SRGAP3: variants seen among roughly 807,000 people sequenced by gnomAD.
The protein encoded by SRGAP3 is SLIT-ROBO Rho GTPase activating protein 3, also known as SLIT-ROBO Rho GTPase-activating protein 3.
A neutral mutation model predicts 121.1 loss-of-function variants in SRGAP3; 39 were observed. That is an observed-to-expected ratio of 0.32 (90% CI 0.25 to 0.42). The LOEUF (loss-of-function observed/expected upper bound fraction) is 0.42, where lower values mean the gene tolerates loss of function less well. Among genes scored for constraint, SRGAP3 ranks in the 10% least tolerant of loss-of-function variants. SRGAP3 has a pLI of 1.00. For synonymous variants in SRGAP3, 601 were observed against 570.0 expected (o/e 1.05, Z -0.77); for missense variants, 1,213 against 1,470.6 (o/e 0.82, Z 2.86).
chr3:9,241,033 C>T (rs1033784452), intron 1 of SRGAP3, among the ~76,000 whole-genome samples: 3 of 152,164 alleles, frequency 2.0e-5, no homozygotes, highest in Admixed American at 2.0e-4. Context: ...CCTTGGCATG[C>T]ATGTTGCTTT....
At chr3:9,104,488 C>G (rs1212923359) in intron 3 of SRGAP3, among the ~76,000 whole-genome samples, 192 bp downstream of exon 3, 1 of 152,202 alleles carries the variant, frequency 6.6e-6, no homozygotes, top group Non-Finnish European at 1.5e-5. Context: ...ACTACACACT[C>G]TTTAAAAGGC....
intron 10 of SRGAP3, among the ~76,000 whole-genome samples, chr3:9,038,822 T>C (rs1396987878): frequency 6.6e-6 from 1 of 152,194 alleles, no homozygotes; most frequent in African/African-American, 2.4e-5. Flanking sequence ...CCCCTCTCGC[T>C]AGCATCACCA....
chr3:9,219,133 C>A (rs1380750005), intron 1 of SRGAP3: 1 of 152,106 alleles, frequency 6.6e-6, no homozygotes, highest in Non-Finnish European at 1.5e-5. Flanking sequence ...TCATGCCTGG[C>A]CAAAAGCTGT....
chr3:9,030,953 T>A (rs1253537120), intron 12 of SRGAP3, among the ~76,000 whole-genome samples: 2 of 152,126 alleles, frequency 1.3e-5, no homozygotes, highest in Non-Finnish European at 2.9e-5. Context: ...TGAACTTCTT[T>A]TTTTTTGTTG....
At chr3:9,073,264 C>G (rs1946804066) in intron 4 of SRGAP3, among the ~76,000 whole-genome samples, 1 of 152,200 alleles carries the variant, frequency 6.6e-6, no homozygotes, top group South Asian at 2.1e-4. Context: ...CCACCTCAAC[C>G]TCCCGGGTAG....
chr3:9,293,589 C>T (rs1455911154), intron 3 of SRGAP3, among the ~76,000 whole-genome samples: 2 of 151,930 alleles, frequency 1.3e-5, no homozygotes, highest in African/African-American at 2.4e-5. Context: ...ACCATGCATC[C>T]GACAAAGGTT....
chr3:9,081,268 C>T (rs1479297632), intron 3 of SRGAP3: 24 of 456,598 alleles, frequency 5.3e-5, no homozygotes, highest in South Asian at 1.2e-4. Context: ...TTGCCTAGAT[C>T]CTGACACAGT....
At chr3:9,047,544 C>T in intron 9 of SRGAP3, 69 bp from the exon 10 acceptor site, 1 of 1,495,764 alleles carries the variant, frequency 6.7e-7, no homozygotes, top group Non-Finnish European at 9.3e-7. Flanking sequence ...GCCTCTGCAA[C>T]TGACCTCTGG....
intron 4 of SRGAP3, among the ~76,000 whole-genome samples, chr3:9,069,331 A>G (rs1946573304): frequency 6.6e-6 from 1 of 152,150 alleles, no homozygotes. Flanking sequence ...ACTGCAAATT[A>G]TCAAGTGACC....
chr3:9,264,762 G>C (rs138605532), intron 3 of SRGAP3, among the ~76,000 whole-genome samples: 1,588 of 152,126 alleles, frequency 0.01, 17 homozygotes, highest in African/African-American at 0.025. Context: ...CTCATGGATA[G>C]GAAGAATGAA....
At chr3:8,995,801 T>C (rs963626683) in intron 18 of SRGAP3, among the ~76,000 whole-genome samples, 1 of 152,232 alleles carries the variant, frequency 6.6e-6, no homozygotes, top group Non-Finnish European at 1.5e-5. Context: ...GTATAGGTAT[T>C]AATGTTTTAA....
intron 3 of SRGAP3, among the ~76,000 whole-genome samples, chr3:9,294,360 T>TG (rs1260922889): frequency 6.6e-6 from 1 of 152,054 alleles, no homozygotes. Flanking sequence ...CAGCACACAC[T>TG]GGGGCCTATC....
intron 1 of SRGAP3, among the ~76,000 whole-genome samples, chr3:9,232,306 A>G (rs376513785): frequency 1.3e-5 from 2 of 152,332 alleles, no homozygotes; most frequent in South Asian, 2.1e-4. Context: ...ATTTTAAATC[A>G]GAAAAGGAAT....
intron 18 of SRGAP3, among the ~76,000 whole-genome samples, chr3:9,008,811 T>G (rs1213439166): frequency 6.6e-6 from 1 of 152,158 alleles, no homozygotes; most frequent in Non-Finnish European, 1.5e-5. Flanking sequence ...CCATGGGGAC[T>G]GGATCATGAC....
chr3:9,099,473 G>T (rs1230460599), intron 3 of SRGAP3, among the ~76,000 whole-genome samples: 1 of 152,258 alleles, frequency 6.6e-6, no homozygotes, highest in Non-Finnish European at 1.5e-5. Flanking sequence ...TTTCAGAAAC[G>T]GTTAGCGGGG....
chr3:8,992,684 CAT>C, intron 20 of SRGAP3: 1 of 660,924 alleles, frequency 1.5e-6, no homozygotes. Flanking sequence ...GTTCCCAACA[CAT>C]GTCTTTCCTC....
chr3:9,112,275 C>G (rs964566712), intron 2 of SRGAP3, among the ~76,000 whole-genome samples: 1 of 152,228 alleles, frequency 6.6e-6, no homozygotes, highest in African/African-American at 2.4e-5. Flanking sequence ...TCTCAGGCCT[C>G]ACACTGGGCT....
chr3:9,174,323 T>C (rs966112798), intron 1 of SRGAP3, among the ~76,000 whole-genome samples: 3 of 152,182 alleles, frequency 2.0e-5, no homozygotes, highest in African/African-American at 7.2e-5. Flanking sequence ...CGTTGTAAAA[T>C]GGTTAAGATG....
intron 1 of SRGAP3, among the ~76,000 whole-genome samples, chr3:9,199,065 C>T (rs533151835): frequency 5.9e-5 from 9 of 152,146 alleles, no homozygotes; most frequent in African/African-American, 1.7e-4. Context: ...TATCTGCCCC[C>T]CCTTCCCATC....
Sources: allele counts gnomAD v4.1 joint callset (sites outside exome capture counted in the v4.1 genomes callset), GRCh38; gene constraint gnomAD v4.1.1; transcripts MANE v1.5; gene names NCBI Gene and HGNC (gene_info 2026-07-23, HGNC 2026-07-21).